Variants in HMGB1 observed in about 807,000 individuals in gnomAD.
The protein encoded by HMGB1 is high mobility group protein B1.
For missense variants in HMGB1, 79 were observed against 253.5 expected, an observed-to-expected ratio of 0.31 and a Z score of 4.67; for synonymous variants, 81 against 84.0, an observed-to-expected ratio of 0.96 and a Z score of 0.19.
intron 1 of HMGB1, among the ~76,000 whole-genome samples, chr13:30,555,444 C>CT (rs1477840661): frequency 2.6e-5 from 4 of 152,118 alleles, no homozygotes; most frequent in Admixed American, 2.6e-4. Flanking sequence ...TATTTTTATA[C>CT]TTTTTGGCAG....
intron 1 of HMGB1, among the ~76,000 whole-genome samples, chr13:30,545,327 T>C (rs537245497): frequency 6.6e-6 from 1 of 151,656 alleles, no homozygotes; most frequent in South Asian, 2.1e-4. Flanking sequence ...CACTGGGTGA[T>C]GAATTAGAGT....
At position 30,460,051 on chromosome 13, in the gene HMGB1, C is replaced by T. The variant is rs1288930407; in HGVS notation, c.*1306G>A. ...TGGCACTTTAAGAAAACGATAATCT[C>T]GAAAACCACAAAATTGCCAAATTGT... On this transcript the variant is annotated 3_prime_UTR_variant, in exon 5 of 5. Coordinates refer to ENST00000341423, the MANE Select transcript of HMGB1 (RefSeq NM_002128.7). The T allele has an allele frequency of 6.6e-6, 1 of 152,530 alleles. No homozygotes were observed. The highest frequency in any genetic ancestry group is 1.5e-5 in the Non-Finnish European group (1 of 67,990). The allele number at this position is 152,530 out of a possible 1,614,324, so 9.4% of individuals were successfully genotyped here.
At chr13:30,557,576 C>G (rs1167655504) in intron 1 of HMGB1, among the ~76,000 whole-genome samples, 1 of 152,158 alleles carries the variant, frequency 6.6e-6, no homozygotes, top group Non-Finnish European at 1.5e-5. Context: ...ACAGATTCAC[C>G]TTGTAGATAA....
chr13:30,529,687 T>C (rs1296860185), intron 1 of HMGB1, among the ~76,000 whole-genome samples: 1 of 152,220 alleles, frequency 6.6e-6, no homozygotes, highest in Non-Finnish European at 1.5e-5. Flanking sequence ...TTGGACACGA[T>C]TTCTATCGTT....
chr13:30,555,033 GTTTTTTTTT>G (rs1007919529), intron 1 of HMGB1, among the ~76,000 whole-genome samples: 5 of 72,412 alleles, frequency 6.9e-5, no homozygotes, highest in South Asian at 6.5e-4. Context: ...GTGTCGTTGT[GTTTTTTTTT>G]TTTTTTTTTT....
chr13:30,463,165 T>C, intron 3 of HMGB1, 42 bp downstream of exon 3: 3 of 1,582,336 alleles, frequency 1.9e-6, no homozygotes, highest in East Asian at 2.2e-5. Context: ...CAGATTCTAC[T>C]GTAAAACGTG....
intron 1 of HMGB1, among the ~76,000 whole-genome samples, chr13:30,483,240 C>A (rs1158463343): frequency 6.6e-6 from 1 of 152,130 alleles, no homozygotes; most frequent in Non-Finnish European, 1.5e-5. Context: ...TCCACCAGGG[C>A]TTGGAAGCCT....
intron 2 of HMGB1, 41 bp downstream of exon 2, chr13:30,463,490 G>A (rs535561427): frequency 1.9e-6 from 3 of 1,583,912 alleles, no homozygotes; most frequent in East Asian, 2.2e-5. Context: ...ATTGGAAACT[G>A]TCTTTTAATT....
intron 1 of HMGB1, among the ~76,000 whole-genome samples, chr13:30,518,051 C>G (rs1346489192): frequency 1.3e-5 from 2 of 152,198 alleles, no homozygotes; most frequent in Non-Finnish European, 2.9e-5. Flanking sequence ...TTATATCTGG[C>G]TGGGTGTGGT....
chr13:30,529,542 A>C (rs1888449958), intron 1 of HMGB1, among the ~76,000 whole-genome samples: 1 of 152,200 alleles, frequency 6.6e-6, no homozygotes, highest in South Asian at 2.1e-4. Flanking sequence ...TTTTGAAATG[A>C]AGTTCCATGA....
At chr13:30,504,799 G>T (rs1287407026) in intron 1 of HMGB1, among the ~76,000 whole-genome samples, 1 of 150,996 alleles carries the variant, frequency 6.6e-6, no homozygotes, top group South Asian at 2.1e-4. Flanking sequence ...CCAAAGACTG[G>T]AGTTGGAGGT....
chr13:30,565,301 G>A (rs1010141697), intron 1 of HMGB1, among the ~76,000 whole-genome samples: 7 of 152,174 alleles, frequency 4.6e-5, no homozygotes, highest in African/African-American at 1.7e-4. Context: ...GATGGTCACT[G>A]TCTCACCGCC....
upstream of HMGB1, among the ~76,000 whole-genome samples, chr13:30,469,408 T>G (rs1886870329): frequency 6.6e-6 from 1 of 152,212 alleles, no homozygotes; most frequent in African/African-American, 2.4e-5. Flanking sequence ...GGTTCTCCAG[T>G]TGTATCTGCT....
chr13:30,524,137 A>G (rs545765106), intron 1 of HMGB1, among the ~76,000 whole-genome samples: 2 of 151,930 alleles, frequency 1.3e-5, no homozygotes, highest in Non-Finnish European at 2.9e-5. Flanking sequence ...GAGTTGAACA[A>G]TGAGAACACA....
Position 30,458,755 on chromosome 13 carries a change from C to CAGAT in HMGB1, c.*2601_*2602insATCT, listed in dbSNP as rs2137382291. ...ACATGGGCGCTTTTCTTATCTTTAT[C>CAGAT]ATTTAATCATTACCCCTCGGGTACA... On this transcript the variant is annotated 3_prime_UTR_variant, in exon 5 of 5. Coordinates refer to ENST00000341423, the MANE Select transcript of HMGB1 (RefSeq NM_002128.7). The CAGAT allele has an allele frequency of 6.6e-6, 1 of 152,324 alleles. No individual in the cohort carries two copies. Among genetic ancestry groups the CAGAT allele is most frequent in the East Asian group, 1.9e-4 (1 of 5,188 alleles). 9.4% of individuals were successfully genotyped at this position (152,324 alleles called of 1,614,324 possible).
intron 1 of HMGB1, among the ~76,000 whole-genome samples, chr13:30,594,108 A>C (rs565585106): frequency 1.8e-4 from 27 of 152,316 alleles, no homozygotes; most frequent in Admixed American, 6.5e-4. Context: ...ATATTCATTT[A>C]CATACGTATC....
At chr13:30,588,012 C>G (rs1477342144) in intron 1 of HMGB1, among the ~76,000 whole-genome samples, 1 of 152,168 alleles carries the variant, frequency 6.6e-6, no homozygotes, top group African/African-American at 2.4e-5. Context: ...ATGAGCCAAA[C>G]AAATTCCTAC....
intron 1 of HMGB1, among the ~76,000 whole-genome samples, chr13:30,585,553 C>T (rs555687045): frequency 4.5e-4 from 69 of 151,944 alleles, no homozygotes; most frequent in African/African-American, 1.6e-3. Flanking sequence ...TGGCGCATGC[C>T]TGTAATCCCA....
chr13:30,474,959 G>GTTTGTTTTT (rs1224684054), intron 1 of HMGB1, among the ~76,000 whole-genome samples: 2 of 64,032 alleles, frequency 3.1e-5, no homozygotes, highest in South Asian at 6.7e-4. Flanking sequence ...TTCTTTTTTT[G>GTTTGTTTTT]TTTTTTTTTT....
Sources: allele counts gnomAD v4.1 joint callset (sites outside exome capture counted in the v4.1 genomes callset), GRCh38; gene constraint gnomAD v4.1.1; transcripts MANE v1.5; gene names NCBI Gene and HGNC (gene_info 2026-07-23, HGNC 2026-07-21).